The following SEMA3A variants were observed in gnomAD, a reference collection of about 807,000 sequenced individuals.
SEMA3A encodes semaphorin 3A.
A neutral mutation model predicts 97.9 loss-of-function variants in SEMA3A; 29 were observed. That is an observed-to-expected ratio of 0.30 (90% CI 0.22 to 0.40). SEMA3A has a LOEUF of 0.40. Among genes scored for constraint, SEMA3A ranks in the 10% least tolerant of loss-of-function variants. The pLI, the probability that SEMA3A is intolerant of heterozygous loss-of-function variation, is 1.00. For missense variants in SEMA3A, 763 were observed against 951.3 expected, an observed-to-expected ratio of 0.80 and a Z score of 2.60; for synonymous variants, 321 against 323.7, an observed-to-expected ratio of 0.99 and a Z score of 0.09.
chr7:84,466,610 A>G (rs1806005626), intron 1 of SEMA3A, among the ~76,000 whole-genome samples: 1 of 152,262 alleles, frequency 6.6e-6, no homozygotes, highest in Non-Finnish European at 1.5e-5. Flanking sequence ...CCAAAAACAC[A>G]GCCTCAATTT....
At chr7:84,267,653 G>C (rs1800040642) in intron 3 of SEMA3A, among the ~76,000 whole-genome samples, 1 of 142,196 alleles carries the variant, frequency 7.0e-6, no homozygotes, top group Admixed American at 6.8e-5. Context: ...ATGATTTTGT[G>C]GCTGTGTGTG....
At chr7:84,364,518 A>G (rs1802800129) in intron 2 of SEMA3A, among the ~76,000 whole-genome samples, 1 of 151,810 alleles carries the variant, frequency 6.6e-6, no homozygotes, top group East Asian at 1.9e-4. Context: ...ACATTTAATT[A>G]TTTCAGCCAC....
At chr7:84,486,773 C>T (rs1172608935) in intron 1 of SEMA3A, among the ~76,000 whole-genome samples, 3 of 152,002 alleles carry the variant, frequency 2.0e-5, no homozygotes, top group African/African-American at 7.3e-5. Flanking sequence ...AGAAATGCAT[C>T]GCATAGTTAA....
At chr7:84,341,168 T>G (rs1802159120) in intron 2 of SEMA3A, among the ~76,000 whole-genome samples, 1 of 152,232 alleles carries the variant, frequency 6.6e-6, no homozygotes, top group Non-Finnish European at 1.5e-5. Context: ...CATGTAGACA[T>G]GATTTGCCAC....
intron 3 of SEMA3A, among the ~76,000 whole-genome samples, chr7:84,253,300 A>G (rs1799649366): frequency 6.6e-6 from 1 of 152,126 alleles, no homozygotes. Context: ...GGGTTTGGAA[A>G]TATATGAGTA....
intron 2 of SEMA3A, among the ~76,000 whole-genome samples, chr7:84,313,461 G>C (rs1801415547): frequency 7.1e-6 from 1 of 141,156 alleles, no homozygotes; most frequent in Non-Finnish European, 1.5e-5. Flanking sequence ...TATGAACCTT[G>C]ATACAATCAC....
chr7:84,352,494 C>A (rs754017404), intron 2 of SEMA3A, among the ~76,000 whole-genome samples: 6 of 151,362 alleles, frequency 4.0e-5, no homozygotes, highest in Non-Finnish European at 8.9e-5. Flanking sequence ...ATCTCATGTA[C>A]CCCATAAGTA....
intron 15 of SEMA3A, among the ~76,000 whole-genome samples, chr7:83,965,673 T>TTTC (rs1788667422): frequency 1.8e-5 from 1 of 55,070 alleles, no homozygotes; most frequent in African/African-American, 7.5e-5. Context: ...TATATTTTTT[T>TTTC]TTTTTTTTTT....
intron 1 of SEMA3A, among the ~76,000 whole-genome samples, chr7:84,419,961 G>A (rs1804541374): frequency 6.6e-6 from 1 of 152,108 alleles, no homozygotes; most frequent in Non-Finnish European, 1.5e-5. Flanking sequence ...GATACTAGCT[G>A]AACACACGCT....
At chr7:83,993,041 T>G (rs2116357257) in intron 12 of SEMA3A, among the ~76,000 whole-genome samples, 1 of 139,926 alleles carries the variant, frequency 7.1e-6, no homozygotes, top group East Asian at 2.1e-4. Flanking sequence ...TTAGCTCTTC[T>G]TGTTGAATTG....
chr7:84,409,508 T>C (rs915749983), intron 1 of SEMA3A, among the ~76,000 whole-genome samples: 1 of 152,046 alleles, frequency 6.6e-6, no homozygotes, highest in Non-Finnish European at 1.5e-5. Flanking sequence ...TGTTTTTAGA[T>C]CAAGACATGA....
At chr7:84,198,225 T>C (rs568588125), upstream of SEMA3A, among the ~76,000 whole-genome samples, 9 of 152,210 alleles carry the variant, frequency 5.9e-5, no homozygotes, top group Non-Finnish European at 1.2e-4. Flanking sequence ...GACGGAGTTT[T>C]GCTCTTGTTG....
At chr7:84,279,695 AG>A (rs973519232) in intron 3 of SEMA3A, among the ~76,000 whole-genome samples, 2 of 152,184 alleles carry the variant, frequency 1.3e-5, no homozygotes, top group Admixed American at 1.3e-4. Flanking sequence ...TTTCATAAGA[AG>A]ACATAAATAA....
chr7:84,360,767 A>C (rs1007143959), intron 2 of SEMA3A, among the ~76,000 whole-genome samples: 2 of 151,934 alleles, frequency 1.3e-5, no homozygotes, highest in African/African-American at 2.4e-5. Context: ...CCCTACTAAC[A>C]GCAATTGTTT....
At chr7:84,173,855 G>A (rs1441493396) in intron 1 of SEMA3A, among the ~76,000 whole-genome samples, 1 of 152,052 alleles carries the variant, frequency 6.6e-6, no homozygotes, top group Non-Finnish European at 1.5e-5. Context: ...TCAGATCAAC[G>A]GGGGCATTAG....
chr7:84,039,791 C>T (rs932525589), intron 6 of SEMA3A, among the ~76,000 whole-genome samples: 5 of 151,946 alleles, frequency 3.3e-5, no homozygotes, highest in Non-Finnish European at 7.4e-5. Context: ...TAATCAATAA[C>T]TTTATTAAAA....
Position 84,401,935 on chromosome 7 carries a change from T to C in SEMA3A, c.-245-30035A>G, listed in dbSNP as rs79149894. Among the ~76,000 whole-genome samples, 2,047 of 152,240 alleles carry C rather than the reference T, an allele frequency of 0.013. 94 individuals are homozygous for C. The East Asian group carries it at 0.16, about 12-fold the overall frequency. On this transcript the variant is annotated intron_variant, in intron 1 of 3. Transcript: ENST00000424555. ...AACAGAGAAATGCTTCAGGATGCTG[T>C]TCTGGGCAAAGATTGTTTGAGCACC...
chr7:84,342,523 A>T (rs1174234273), intron 2 of SEMA3A, among the ~76,000 whole-genome samples: 1 of 152,220 alleles, frequency 6.6e-6, no homozygotes, highest in East Asian at 1.9e-4. Flanking sequence ...CAAGTAAATG[A>T]ACATTTCAGG....
chr7:84,040,346 T>G, intron 6 of SEMA3A, among the ~76,000 whole-genome samples: 1 of 151,926 alleles, frequency 6.6e-6, no homozygotes, highest in African/African-American at 2.4e-5. Flanking sequence ...TGGGGAGCTC[T>G]AGGCTCATCA....
Sources: allele counts gnomAD v4.1 joint callset (sites outside exome capture counted in the v4.1 genomes callset), GRCh38; gene constraint gnomAD v4.1.1; transcripts MANE v1.5; gene names NCBI Gene and HGNC (gene_info 2026-07-23, HGNC 2026-07-21).